FBXL2: variants seen among roughly 807,000 people sequenced by gnomAD.
The protein encoded by FBXL2 is F-box and leucine rich repeat protein 2, also known as F-box/LRR-repeat protein 2.
FBXL2 carries 38 observed loss-of-function variants against 69.2 expected under a neutral mutation model. The ratio of observed to expected loss-of-function variants is 0.55; its 90% CI spans 0.42 to 0.72. The LOEUF is 0.72. Among genes scored for constraint, FBXL2 ranks in the 30% least tolerant of loss-of-function variants. FBXL2 has a pLI of 0.00. For synonymous variants in FBXL2, 192 were observed against 201.3 expected (o/e 0.95, Z 0.39); for missense variants, 354 against 520.3 (o/e 0.68, Z 3.11).
chr3:33,343,835 C>T (rs1390111285), intron 2 of FBXL2, among the ~76,000 whole-genome samples: 1 of 152,046 alleles, frequency 6.6e-6, no homozygotes. Context: ...CATTTGTACT[C>T]TTGCCCTTGG....
intron 2 of FBXL2, among the ~76,000 whole-genome samples, chr3:33,315,281 T>G (rs919910270): frequency 1.3e-5 from 2 of 151,210 alleles, no homozygotes; most frequent in African/African-American, 4.8e-5. Context: ...TCTTTTCCTT[T>G]CTCTCTTTCT....
At chr3:33,368,280 C>A (rs905103310) in intron 5 of FBXL2, among the ~76,000 whole-genome samples, 12 of 152,176 alleles carry the variant, frequency 7.9e-5, no homozygotes, top group African/African-American at 2.9e-4. Flanking sequence ...AATTTATCAA[C>A]TAATAAAAGG....
chr3:33,310,669 C>T lies in FBXL2; in HGVS notation c.65+12944C>T, dbSNP rs191601377. ...GTCTGATGGTGATGAACTCCTGAAGCTTTTTTTCATTTGTCTGGAAAAGTC... is the reference window on the plus strand; with the variant it reads ...GTCTGATGGTGATGAACTCCTGAAGTTTTTTTTCATTTGTCTGGAAAAGTC... On this transcript the variant is annotated intron_variant, in intron 2 of 14. Coordinates refer to ENST00000484457, the MANE Select transcript of FBXL2 (RefSeq NM_012157.5). Among the ~76,000 whole-genome samples the T allele has an allele frequency of 3.3e-3, 506 of 151,898 alleles. 3 individuals carry two copies. The highest frequency in any genetic ancestry group is 0.011 in the African/African-American group (473 of 41,390).
chr3:33,320,421 GGAAA>G (rs1461187119), intron 2 of FBXL2, among the ~76,000 whole-genome samples: 1 of 150,898 alleles, frequency 6.6e-6, no homozygotes, highest in Non-Finnish European at 1.5e-5. Context: ...GCATGTGAAA[GGAAA>G]GACTTTAAAA....
chr3:33,400,015 T>G (rs2044161253), intron 12 of FBXL2, among the ~76,000 whole-genome samples: 1 of 152,214 alleles, frequency 6.6e-6, no homozygotes. Flanking sequence ...TAGCATATAA[T>G]AAAAATACAA....
intron 2 of FBXL2, among the ~76,000 whole-genome samples, chr3:33,347,362 G>A (rs1275977048): frequency 6.6e-6 from 1 of 152,116 alleles, no homozygotes; most frequent in Non-Finnish European, 1.5e-5. Flanking sequence ...TGTTGGATAT[G>A]TATGGATGAA....
At chr3:33,314,831 T>G (rs2037531050) in intron 2 of FBXL2, among the ~76,000 whole-genome samples, 1 of 152,240 alleles carries the variant, frequency 6.6e-6, no homozygotes, top group African/African-American at 2.4e-5. Flanking sequence ...TAACTTTTTC[T>G]TAGAACTTGA....
chr3:33,357,844 T>G (rs1196552636), intron 2 of FBXL2, among the ~76,000 whole-genome samples: 3 of 152,228 alleles, frequency 2.0e-5, no homozygotes, highest in Non-Finnish European at 4.4e-5. Context: ...CCACTGAATC[T>G]TTTAAAGTCA....
In FBXL2 at chr3:33,396,311, G is replaced by C. The variant is rs932461066; in HGVS notation, n.1215-6923G>C. 6 of 1,520,386 alleles carry C rather than the reference G, an allele frequency of 3.9e-6. No individual in the cohort carries two copies. In the Admixed American group the frequency reaches 5.2e-5, roughly 13 times the overall value. 94.2% of individuals were successfully genotyped at this position (1,520,386 alleles called of 1,614,324 possible). On this transcript the variant is annotated intron_variant and non_coding_transcript_variant, in intron 12 of 12. Transcript: ENST00000463736. The stretch of plus-strand genomic sequence containing the variant: ...ATCAGAAGATGCCACTGATGAGCCT[G>C]GGAGAGAAAGCTGCCTTACACATGT...
At chr3:33,313,618 T>TTTTG in intron 2 of FBXL2, among the ~76,000 whole-genome samples, 2 of 151,914 alleles carry the variant, frequency 1.3e-5, no homozygotes, top group South Asian at 4.2e-4. Context: ...GATAATTGTT[T>TTTTG]TATTTTTTTT....
the FBXL2 span, among the ~76,000 whole-genome samples, chr3:33,422,066 TAAAAAG>T: frequency 1.3e-5 from 2 of 151,858 alleles, no homozygotes; most frequent in Admixed American, 6.6e-5. Flanking sequence ...ATAATAAAAT[TAAAAAG>T]AAAAAGAAAA....
downstream of FBXL2, among the ~76,000 whole-genome samples, chr3:33,404,397 G>A (rs1012375152): frequency 4.6e-5 from 7 of 151,892 alleles, no homozygotes; most frequent in Non-Finnish European, 8.8e-5. Context: ...GGGTGACAGA[G>A]CGAGATTCCA....
At chr3:33,358,753 T>C (rs1039428067) in intron 2 of FBXL2, among the ~76,000 whole-genome samples, 1 of 152,248 alleles carries the variant, frequency 6.6e-6, no homozygotes, top group Non-Finnish European at 1.5e-5. Context: ...TCTAAGGTAA[T>C]TTGTATTGTG....
intron 4 of FBXL2, among the ~76,000 whole-genome samples, chr3:33,361,751 G>A (rs1172848821): frequency 6.6e-6 from 1 of 152,172 alleles, no homozygotes. Context: ...TTTCAATCTA[G>A]TCATAACACT....
chr3:33,320,157 A>G (rs1179330851), intron 2 of FBXL2, among the ~76,000 whole-genome samples: 1 of 152,198 alleles, frequency 6.6e-6, no homozygotes, highest in African/African-American at 2.4e-5. Context: ...TAGCCAAGAT[A>G]TTTTGAAGAA....
intron 5 of FBXL2, among the ~76,000 whole-genome samples, chr3:33,365,739 AAACAAACAAACAAACC>A (rs971452454): frequency 6.7e-5 from 9 of 135,014 alleles, no homozygotes; most frequent in South Asian, 2.4e-4. Context: ...ACAAACAAAC[AAACAAACAAACAAACC>A]AACAACAATT....
intron 12 of FBXL2, among the ~76,000 whole-genome samples, chr3:33,395,964 G>A (rs1226944188): frequency 1.3e-5 from 2 of 152,022 alleles, no homozygotes; most frequent in Non-Finnish European, 2.9e-5. Context: ...TGCAATGACT[G>A]AGAAAGAATG....
At chr3:33,359,579 T>G (rs2041465511) in intron 4 of FBXL2, among the ~76,000 whole-genome samples, 1 of 152,150 alleles carries the variant, frequency 6.6e-6, no homozygotes, top group Non-Finnish European at 1.5e-5. Context: ...ATGTTTATAG[T>G]CTGAATTTTA....
intron 2 of FBXL2, among the ~76,000 whole-genome samples, chr3:33,345,799 C>G (rs2125871219): frequency 6.6e-6 from 1 of 152,168 alleles, no homozygotes; most frequent in African/African-American, 2.4e-5. Flanking sequence ...ATACATGGGT[C>G]AAAGAAAAGG....
Sources: allele counts gnomAD v4.1 joint callset (sites outside exome capture counted in the v4.1 genomes callset), GRCh38; gene constraint gnomAD v4.1.1; transcripts MANE v1.5; gene names NCBI Gene and HGNC (gene_info 2026-07-23, HGNC 2026-07-21).